Variants in PDE11A observed in about 807,000 individuals in gnomAD.
PDE11A encodes dual 3',5'-cyclic-AMP and -GMP phosphodiesterase 11A.
PDE11A carries 100 observed loss-of-function variants against 100.5 expected under a neutral mutation model. That is an observed-to-expected ratio of 1.00 (90% CI 0.85 to 1.18). PDE11A has a LOEUF of 1.18. Among genes scored for constraint, PDE11A ranks in the 50% most tolerant of loss-of-function variants. The probability of loss-of-function intolerance (pLI) is 0.00; values close to 1 mark genes in which losing one functional copy is unlikely to be tolerated. For missense variants in PDE11A, 1,141 were observed against 1,152.6 expected, an observed-to-expected ratio of 0.99 and a Z score of 0.15; for synonymous variants, 381 against 420.8, an observed-to-expected ratio of 0.91 and a Z score of 1.16.
At chr2:178,013,919 A>C (rs1021846054) in intron 2 of PDE11A, among the ~76,000 whole-genome samples, 1 of 152,162 alleles carries the variant, frequency 6.6e-6, no homozygotes, top group African/African-American at 2.4e-5. Context: ...TGTTGTAGTT[A>C]TAAAAATATA....
chr2:177,707,196 G>A (rs915369073), intron 13 of PDE11A, among the ~76,000 whole-genome samples: 1 of 152,168 alleles, frequency 6.6e-6, no homozygotes, highest in Admixed American at 6.5e-5. Flanking sequence ...TTACCTTCCT[G>A]AGGCTCAGTT....
chr2:178,094,437 C>T (rs556235420), intron 2 of PDE11A, among the ~76,000 whole-genome samples: 24 of 152,100 alleles, frequency 1.6e-4, no homozygotes, highest in African/African-American at 4.6e-4. Flanking sequence ...GAGGCTGAGG[C>T]GGGATGATCA....
At chr2:177,824,844 A>C (rs902731214) in intron 6 of PDE11A, among the ~76,000 whole-genome samples, 1 of 152,218 alleles carries the variant, frequency 6.6e-6, no homozygotes, top group Non-Finnish European at 1.5e-5. Context: ...AAATGATAAT[A>C]GTGTACATGC....
intron 2 of PDE11A, among the ~76,000 whole-genome samples, chr2:177,992,428 A>G (rs2086015608): frequency 1.4e-5 from 2 of 143,796 alleles, no homozygotes; most frequent in Non-Finnish European, 1.5e-5. Context: ...AAAATGTTCT[A>G]TGTATATAGA....
chr2:177,881,103 A>G (rs1361758627), intron 4 of PDE11A, among the ~76,000 whole-genome samples: 2 of 152,188 alleles, frequency 1.3e-5, no homozygotes, highest in Non-Finnish European at 2.9e-5. Flanking sequence ...CTCAGATAGA[A>G]AGGAAGAGGA....
intron 19 of PDE11A, among the ~76,000 whole-genome samples, chr2:177,656,632 C>T (rs2080388824): frequency 6.6e-6 from 1 of 152,232 alleles, no homozygotes; most frequent in African/African-American, 2.4e-5. Context: ...AATGTGCTAG[C>T]ACTGTGCTAG....
chr2:177,794,589 A>G (rs1421963755), intron 9 of PDE11A, among the ~76,000 whole-genome samples: 1 of 152,066 alleles, frequency 6.6e-6, no homozygotes, highest in Admixed American at 6.5e-5. Flanking sequence ...CTTTCCCCTC[A>G]TTTCTGTTAA....
intron 4 of PDE11A, among the ~76,000 whole-genome samples, chr2:177,880,070 T>A (rs1030560169): frequency 6.6e-6 from 1 of 152,206 alleles, no homozygotes; most frequent in Non-Finnish European, 1.5e-5. Flanking sequence ...TATGGTGCCA[T>A]GATCAAAGTC....
At chr2:177,987,227 C>A (rs2085951249) in intron 2 of PDE11A, among the ~76,000 whole-genome samples, 1 of 152,130 alleles carries the variant, frequency 6.6e-6, no homozygotes, top group South Asian at 2.1e-4. Flanking sequence ...GACTCTCTAA[C>A]CCTTAAGGGG....
At chr2:177,851,269 A>G (rs1402718151) in intron 5 of PDE11A, among the ~76,000 whole-genome samples, 1 of 152,100 alleles carries the variant, frequency 6.6e-6, no homozygotes, top group East Asian at 1.9e-4. Context: ...CATCATTCTC[A>G]GCAAACTATC....
intron 1 of PDE11A, among the ~76,000 whole-genome samples, chr2:178,050,070 C>T (rs1472177254): frequency 6.6e-6 from 1 of 152,124 alleles, no homozygotes; most frequent in Non-Finnish European, 1.5e-5. Flanking sequence ...CTTCCTGACC[C>T]CCGAGTAGCC....
At chr2:177,933,286 C>T (rs1036626607) in intron 2 of PDE11A, among the ~76,000 whole-genome samples, 45 of 152,276 alleles carry the variant, frequency 3.0e-4, no homozygotes, top group African/African-American at 1.1e-3. Flanking sequence ...CTATTTCTAT[C>T]AAACTACCAA....
At chr2:177,679,620 A>T (rs951049266) in intron 16 of PDE11A, among the ~76,000 whole-genome samples, 5 of 152,166 alleles carry the variant, frequency 3.3e-5, no homozygotes, top group African/African-American at 1.2e-4. Flanking sequence ...ATTATACAAA[A>T]AGAAAGAAAT....
intron 2 of PDE11A, among the ~76,000 whole-genome samples, chr2:177,913,798 T>C (rs1450894160): frequency 1.3e-5 from 2 of 152,232 alleles, no homozygotes; most frequent in Non-Finnish European, 2.9e-5. Flanking sequence ...CCATTGTTTC[T>C]AATTTTTCTT....
intron 1 of PDE11A, among the ~76,000 whole-genome samples, chr2:178,047,896 A>C (rs2086772606): frequency 6.6e-6 from 1 of 152,174 alleles, no homozygotes; most frequent in Non-Finnish European, 1.5e-5. Flanking sequence ...TGATGAGTGC[A>C]GGGAAGCCCA....
At chr2:177,686,439 C>T (rs761711191) in intron 15 of PDE11A, among the ~76,000 whole-genome samples, 15 of 152,170 alleles carry the variant, frequency 9.9e-5, no homozygotes, top group South Asian at 2.1e-4. Flanking sequence ...TGGAGGCACA[C>T]GCCTGTAGTC....
At chr2:177,854,719 A>G (rs2083799553) in intron 5 of PDE11A, among the ~76,000 whole-genome samples, 1 of 152,094 alleles carries the variant, frequency 6.6e-6, no homozygotes, top group Non-Finnish European at 1.5e-5. Flanking sequence ...CTTCCTGGTA[A>G]ATGAAGTGGC....
At chr2:178,089,035 C>T (rs2087390169) in intron 2 of PDE11A, among the ~76,000 whole-genome samples, 1 of 152,100 alleles carries the variant, frequency 6.6e-6, no homozygotes, top group African/African-American at 2.4e-5. Context: ...ACAAAGTAGG[C>T]GTTGCACAGA....
intron 10 of PDE11A, among the ~76,000 whole-genome samples, chr2:177,741,983 G>A (rs2081877775): frequency 6.7e-6 from 1 of 149,984 alleles, no homozygotes; most frequent in African/African-American, 2.5e-5. Flanking sequence ...AGTGAGCTAG[G>A]ATCACAACAC....
Sources: allele counts gnomAD v4.1 joint callset (sites outside exome capture counted in the v4.1 genomes callset), GRCh38; gene constraint gnomAD v4.1.1; transcripts MANE v1.5; gene names NCBI Gene and HGNC (gene_info 2026-07-23, HGNC 2026-07-21).